Variants in GOLM2 observed in about 807,000 individuals in gnomAD.
GOLM2 encodes golgi membrane protein 2, also known as protein GOLM2.
In GOLM2, 26 loss-of-function variants were observed where a neutral mutation model predicts 55.9. That is an observed-to-expected ratio of 0.47 (90% CI 0.34 to 0.65). The LOEUF is 0.65. GOLM2 is among the 30% of genes least tolerant of loss of function. The probability of loss-of-function intolerance (pLI) is 0.01; values close to 1 mark genes in which losing one functional copy is unlikely to be tolerated. For synonymous variants in GOLM2, 165 were observed against 194.6 expected, an observed-to-expected ratio of 0.85 and a Z score of 1.27; for missense variants, 486 against 531.8, an observed-to-expected ratio of 0.91 and a Z score of 0.85.
At chr15:44,387,991 C>T (rs888219699) in intron 8 of GOLM2, among the ~76,000 whole-genome samples, 20 of 150,874 alleles carry the variant, frequency 1.3e-4, no homozygotes, top group East Asian at 2.0e-4. Context: ...GTTTTTGAGA[C>T]GGAGTCTTGC....
chr15:44,310,497 C>CCCACACAT (rs2078867862), intron 1 of GOLM2, among the ~76,000 whole-genome samples: 1 of 137,776 alleles, frequency 7.3e-6, no homozygotes, highest in African/African-American at 2.9e-5. Context: ...TATACACACA[C>CCCACACAT]ACACCCACAC....
chr15:44,292,341 C>A (rs182816171), intron 1 of GOLM2, among the ~76,000 whole-genome samples: 78 of 151,290 alleles, frequency 5.2e-4, no homozygotes, highest in Non-Finnish European at 9.9e-4. Flanking sequence ...GGACTACAGG[C>A]GCCCACCTCC....
intron 1 of GOLM2, among the ~76,000 whole-genome samples, chr15:44,294,479 C>T (rs2078742061): frequency 1.3e-5 from 2 of 151,560 alleles, no homozygotes; most frequent in African/African-American, 4.8e-5. Flanking sequence ...CTTTGGGAGG[C>T]CGAGGTGGGC....
chr15:44,350,633 A>C (rs758968616), intron 6 of GOLM2, among the ~76,000 whole-genome samples: 1 of 152,234 alleles, frequency 6.6e-6, no homozygotes, highest in Non-Finnish European at 1.5e-5. Context: ...GAGACGAGTA[A>C]TAGCCTGATA....
At chr15:44,294,133 C>A (rs2078739785) in intron 1 of GOLM2, among the ~76,000 whole-genome samples, 1 of 152,084 alleles carries the variant, frequency 6.6e-6, no homozygotes, top group Non-Finnish European at 1.5e-5. Flanking sequence ...TTCCACATAC[C>A]CTACACCCAG....
intron 1 of GOLM2, 108 bp from the exon 2 acceptor site, chr15:44,322,857 C>T: frequency 3.0e-6 from 2 of 664,414 alleles, no homozygotes; most frequent in South Asian, 2.0e-5. Context: ...AAATAAATAA[C>T]CAGAGTTTTT....
chr15:44,297,080 G>A (rs1459201880), intron 1 of GOLM2, among the ~76,000 whole-genome samples: 2 of 152,134 alleles, frequency 1.3e-5, no homozygotes, highest in Non-Finnish European at 2.9e-5. Flanking sequence ...ATTTAAGACT[G>A]AGGTTAGAAA....
intron 1 of GOLM2, among the ~76,000 whole-genome samples, chr15:44,293,253 C>T (rs1372120577): frequency 6.6e-6 from 1 of 152,192 alleles, no homozygotes; most frequent in Non-Finnish European, 1.5e-5. Flanking sequence ...AAAATTATTG[C>T]AAAGATAGTA....
chr15:44,401,460 C>T (rs2079564888), intron 8 of GOLM2, among the ~76,000 whole-genome samples: 1 of 152,152 alleles, frequency 6.6e-6, no homozygotes. Context: ...AGATGTTACC[C>T]AGGCTGGTCT....
intron 6 of GOLM2, chr15:44,355,366 G>T: frequency 6.0e-6 from 1 of 166,612 alleles, no homozygotes; most frequent in South Asian, 1.3e-4. Flanking sequence ...TGAATGGGGA[G>T]ATCACTGGCA....
intron 8 of GOLM2, among the ~76,000 whole-genome samples, chr15:44,381,843 G>C (rs2079405283): frequency 6.6e-6 from 1 of 151,956 alleles, no homozygotes; most frequent in Non-Finnish European, 1.5e-5. Context: ...TTAGAGACGG[G>C]GGTCTCGCTT....
At chr15:44,303,908 G>A (rs1348017290) in intron 1 of GOLM2, among the ~76,000 whole-genome samples, 1 of 151,584 alleles carries the variant, frequency 6.6e-6, no homozygotes, top group Non-Finnish European at 1.5e-5. Flanking sequence ...GCTGATTTTT[G>A]TATTTCAGTA....
intron 1 of GOLM2, among the ~76,000 whole-genome samples, chr15:44,303,767 C>T (rs1205831430): frequency 1.4e-5 from 2 of 141,512 alleles, no homozygotes; most frequent in South Asian, 2.2e-4. Flanking sequence ...GACAGAGTCT[C>T]GCCCTGTCAC....
intron 8 of GOLM2, among the ~76,000 whole-genome samples, chr15:44,392,825 A>G (rs959864592): frequency 2.0e-5 from 3 of 152,176 alleles, no homozygotes; most frequent in Non-Finnish European, 4.4e-5. Context: ...CATTTGAGGA[A>G]ATTCATGCAT....
intron 1 of GOLM2, among the ~76,000 whole-genome samples, chr15:44,294,749 A>C (rs977784731): frequency 2.7e-5 from 4 of 149,574 alleles, no homozygotes; most frequent in Admixed American, 6.7e-5. Context: ...ACAAAAAAAA[A>C]CAAAAATTAA....
intron 6 of GOLM2, among the ~76,000 whole-genome samples, chr15:44,360,962 A>G (rs1290905459): frequency 6.6e-6 from 1 of 151,890 alleles, no homozygotes; most frequent in African/African-American, 2.4e-5. Flanking sequence ...TACTGGGTAC[A>G]TAATGAAATG....
At chr15:44,293,115 A>G (rs1219682225) in intron 1 of GOLM2, among the ~76,000 whole-genome samples, 1 of 152,112 alleles carries the variant, frequency 6.6e-6, no homozygotes, top group African/African-American at 2.4e-5. Flanking sequence ...GCCACTTAAC[A>G]GTTTTAGATC....
intron 1 of GOLM2, among the ~76,000 whole-genome samples, chr15:44,299,925 G>GC (rs1491302135): frequency 1.6e-4 from 3 of 18,322 alleles, no homozygotes; most frequent in East Asian, 2.7e-3. Context: ...GGGCAACATA[G>GC]CAAAAAAAAA....
intron 6 of GOLM2, among the ~76,000 whole-genome samples, chr15:44,352,957 G>A (rs192069242): frequency 3.3e-5 from 5 of 150,794 alleles, no homozygotes; most frequent in African/African-American, 1.2e-4. Context: ...CCCACAGAAT[G>A]GGAGAAGATA....
Sources: gnomAD v4.1 joint callset for allele counts (sites outside exome capture counted in the v4.1 genomes callset) on GRCh38, gnomAD v4.1.1 for gene constraint, MANE v1.5 for transcripts, NCBI Gene and HGNC (gene_info 2026-07-23, HGNC 2026-07-21) for gene names.